Variants in SYT9 observed in about 807,000 individuals in gnomAD.
SYT9 encodes synaptotagmin-9.
SYT9 carries 22 observed loss-of-function variants against 48.4 expected under a neutral mutation model. The observed-to-expected ratio is 0.45, with a 90% CI of 0.32 to 0.65. The LOEUF is 0.65. Ranked by LOEUF, SYT9 falls within the 30% of genes least tolerant of loss-of-function variation. The pLI, the probability that SYT9 is intolerant of heterozygous loss-of-function variation, is 0.03. For synonymous variants in SYT9, 265 were observed against 245.0 expected (o/e 1.08, Z -0.76); for missense variants, 577 against 622.0 (o/e 0.93, Z 0.77).
At chr11:7,438,249 GTT>G (rs1340577578) in intron 6 of SYT9, 1 of 152,188 alleles carries the variant, frequency 6.6e-6, no homozygotes, top group African/African-American at 2.4e-5. Context: ...GAAAGGAAAG[GTT>G]GAAGATACAA....
intron 1 of SYT9, among the ~76,000 whole-genome samples, chr11:7,257,015 A>T (rs1847984316): frequency 1.3e-5 from 2 of 152,194 alleles, no homozygotes; most frequent in African/African-American, 2.4e-5. Flanking sequence ...GCAACAACAA[A>T]AACTACCAAT....
At chr11:7,259,393 T>C (rs576132387) in intron 1 of SYT9, among the ~76,000 whole-genome samples, 4 of 152,166 alleles carry the variant, frequency 2.6e-5, no homozygotes, top group Non-Finnish European at 5.9e-5. Context: ...GTAATTTTTT[T>C]TTAGTGTGAA....
At chr11:7,299,425 A>T (rs1344576131) in intron 1 of SYT9, among the ~76,000 whole-genome samples, 3 of 151,532 alleles carry the variant, frequency 2.0e-5, no homozygotes, top group African/African-American at 7.3e-5. Context: ...GTAGGTCACT[A>T]TTGGTGTTTC....
chr11:7,267,424 C>A (rs1440935956), intron 1 of SYT9, among the ~76,000 whole-genome samples: 1 of 151,534 alleles, frequency 6.6e-6, no homozygotes, highest in African/African-American at 2.4e-5. Context: ...ATTTACTGAC[C>A]ATAAAATAAT....
At chr11:7,390,634 A>G (rs1292376340) in intron 3 of SYT9, among the ~76,000 whole-genome samples, 3 of 152,228 alleles carry the variant, frequency 2.0e-5, no homozygotes, top group Non-Finnish European at 4.4e-5. Context: ...CATTTAATTG[A>G]CAAATAGAAA....
intron 1 of SYT9, among the ~76,000 whole-genome samples, chr11:7,281,638 TA>T (rs1848494229): frequency 6.6e-6 from 1 of 152,234 alleles, no homozygotes; most frequent in Admixed American, 6.5e-5. Flanking sequence ...ATTTGATGTG[TA>T]AAAATTTTTG....
intron 6 of SYT9, among the ~76,000 whole-genome samples, chr11:7,423,079 C>A (rs1206159906): frequency 6.6e-6 from 1 of 152,156 alleles, no homozygotes; most frequent in Non-Finnish European, 1.5e-5. Flanking sequence ...ACTGTTACAG[C>A]AGAACTAAGG....
intron 3 of SYT9, among the ~76,000 whole-genome samples, chr11:7,368,904 C>T (rs1850301081): frequency 6.6e-6 from 1 of 152,100 alleles, no homozygotes; most frequent in African/African-American, 2.4e-5. Flanking sequence ...TTGGGTGGTT[C>T]TAAGTCTTTG....
At chr11:7,323,329 A>G (rs1270917578) in intron 3 of SYT9, among the ~76,000 whole-genome samples, 1 of 152,134 alleles carries the variant, frequency 6.6e-6, no homozygotes, top group Non-Finnish European at 1.5e-5. Flanking sequence ...GACTTGCTAT[A>G]CACTATAATT....
rs149578383 is a variant in SYT9, at chr11:7,320,569, A to G, written c.1044+6628A>G. 4.5e-3 allele frequency among the ~76,000 whole-genome samples: 689 copies of G among 152,360 alleles called. 3 individuals are homozygous for G. The highest frequency in any genetic ancestry group is 0.013 in the African/African-American group (560 of 41,586). On this transcript the variant is annotated intron_variant, in intron 3 of 6. Transcript: ENST00000318881. The stretch of plus-strand genomic sequence containing the variant: ...GATATTTAATAAGCACTTGCTGCAT[A>G]AAGTGAAACTCCTTATGAGGGACTA...
chr11:7,429,332 C>G (rs1056684084), intron 6 of SYT9, among the ~76,000 whole-genome samples: 1 of 152,184 alleles, frequency 6.6e-6, no homozygotes, highest in African/African-American at 2.4e-5. Flanking sequence ...CAAAGATGCT[C>G]TCTCTTTCTT....
chr11:7,267,538 A>T (rs878901697), intron 1 of SYT9, among the ~76,000 whole-genome samples: 1 of 151,982 alleles, frequency 6.6e-6, no homozygotes, highest in Non-Finnish European at 1.5e-5. Flanking sequence ...AGAAATGGAC[A>T]CTGAAATTAT....
intron 6 of SYT9, among the ~76,000 whole-genome samples, chr11:7,454,536 G>A (rs1848113313): frequency 6.6e-6 from 1 of 152,196 alleles, no homozygotes; most frequent in African/African-American, 2.4e-5. Context: ...CACGAGTGAA[G>A]ACAATGCGAG....
At chr11:7,251,131 CA>C (rs1353327487), upstream of SYT9, among the ~76,000 whole-genome samples, 10 of 126,122 alleles carry the variant, frequency 7.9e-5, no homozygotes, top group South Asian at 3.2e-4. Flanking sequence ...CACACACACA[CA>C]CCCAGAGTAC....
At chr11:7,330,225 A>G (rs79778855) in intron 3 of SYT9, among the ~76,000 whole-genome samples, 5,554 of 152,310 alleles carry the variant, frequency 0.036, 147 homozygotes, top group Middle Eastern at 0.088. Context: ...GGAATACTCA[A>G]TGTGTGCATA....
intron 1 of SYT9, among the ~76,000 whole-genome samples, chr11:7,273,887 CCAGGGCCTGT>C (rs202003130): frequency 0.014 from 2,054 of 152,142 alleles, 45 homozygotes; most frequent in African/African-American, 0.045. Context: ...GCATCACACA[CCAGGGCCTGT>C]CAGGGGGTGG....
At chr11:7,294,717 C>T (rs576520803) in intron 1 of SYT9, among the ~76,000 whole-genome samples, 7 of 152,194 alleles carry the variant, frequency 4.6e-5, no homozygotes, top group Non-Finnish European at 1.0e-4. Flanking sequence ...TGGCTCTGCC[C>T]CAGCTGCTTT....
At chr11:7,374,672 G>A (rs1350129169) in intron 3 of SYT9, among the ~76,000 whole-genome samples, 1 of 152,186 alleles carries the variant, frequency 6.6e-6, no homozygotes, top group African/African-American at 2.4e-5. Context: ...AATGACCAAT[G>A]ATGATGCGCT....
At position 7,287,980 on chromosome 11, in the gene SYT9, A is replaced by C. The variant is rs150759894; in HGVS notation, c.146-15059A>C. ...TAAGCCCTGTGCACCATGTTTTCCA[A>C]GTGATAAATAGCAAGCTATGTGTTC... On this transcript the variant is annotated intron_variant, in intron 1 of 6. Transcript: ENST00000318881. Among the ~76,000 whole-genome samples the C allele has an allele frequency of 3.5e-3, 535 of 152,292 alleles. 2 individuals carry two copies. The highest frequency in any genetic ancestry group is 5.2e-3 in the Non-Finnish European group (353 of 68,034).
Sources: gnomAD v4.1 joint callset for allele counts (sites outside exome capture counted in the v4.1 genomes callset) on GRCh38, gnomAD v4.1.1 for gene constraint, MANE v1.5 for transcripts, NCBI Gene and HGNC (gene_info 2026-07-23, HGNC 2026-07-21) for gene names.